Variants in STK33 observed in about 807,000 individuals in gnomAD.
The protein encoded by STK33 is serine/threonine kinase 33, also known as serine/threonine-protein kinase 33.
A neutral mutation model predicts 58.0 loss-of-function variants in STK33; 52 were observed. The observed-to-expected ratio is 0.90, with a 90% CI of 0.72 to 1.13. The LOEUF (loss-of-function observed/expected upper bound fraction) is 1.13, where lower values mean the gene tolerates loss of function less well. Ranked by LOEUF, STK33 falls within the 50% of genes most tolerant of loss-of-function variation. The pLI is 0.00. For missense variants in STK33, 630 were observed against 604.2 expected, an observed-to-expected ratio of 1.04 and a Z score of -0.45; for synonymous variants, 215 against 200.1, an observed-to-expected ratio of 1.07 and a Z score of -0.63.
intron 1 of STK33, among the ~76,000 whole-genome samples, chr11:8,577,668 T>C (rs920698498): frequency 3.9e-5 from 6 of 152,132 alleles, no homozygotes; most frequent in African/African-American, 1.2e-4. Flanking sequence ...TTAACATTTA[T>C]TTTCATATTC....
At chr11:8,584,532 C>T (rs1453612131) in intron 1 of STK33, among the ~76,000 whole-genome samples, 3 of 152,176 alleles carry the variant, frequency 2.0e-5, no homozygotes, top group Non-Finnish European at 4.4e-5. Flanking sequence ...GAGACACAGC[C>T]TTGGAGCAAG....
chr11:8,399,210 G>C lies in STK33; in HGVS notation c.1345-6500C>G, dbSNP rs1010811292. On this transcript the variant is annotated intron_variant, in intron 15 of 15. Transcript: ENST00000687296. The stretch of plus-strand genomic sequence containing the variant: ...CACCTATTCCAAAATTGACCCCGTA[G>C]TTGGAAGTAAAGCACTCCTCAGCAA... 3.9e-5 allele frequency among the ~76,000 whole-genome samples: 6 copies of C among 152,246 alleles called. No homozygotes were observed. The South Asian group carries it at 6.2e-4, about 16-fold the overall frequency.
At chr11:8,353,277 G>A in the STK33 span, among the ~76,000 whole-genome samples, 1 of 152,244 alleles carries the variant, frequency 6.6e-6, no homozygotes, top group African/African-American at 2.4e-5. Context: ...GGCTAAGCCT[G>A]TGGCCACACC....
At chr11:8,575,203 G>A (rs9794916) in intron 1 of STK33, among the ~76,000 whole-genome samples, 151,335 of 152,342 alleles carry the variant, frequency 0.99, 75,170 homozygotes, top group Middle Eastern at 1. Context: ...GCTTCGCAAA[G>A]AGCTAAACAT....
At position 8,413,710 on chromosome 11, in the gene STK33, T is replaced by G; in HGVS notation, c.1147-18A>C. 1 of 1,607,994 alleles carries G rather than the reference T, an allele frequency of 6.2e-7. No individual in the cohort carries two copies. The highest frequency in any genetic ancestry group is 1.7e-4 in the Middle Eastern group (1 of 6,038). On this transcript the variant is annotated intron_variant, in intron 14 of 15. Coordinates refer to ENST00000687296, the MANE Select transcript of STK33 (RefSeq NM_001352389.2). ...TTATTGCCCTAATATTAACAATCAA[T>G]TTTTGGTGTTATAAACAACTTAGAG...
chr11:8,366,678 G>T, the STK33 span, among the ~76,000 whole-genome samples: 2 of 152,224 alleles, frequency 1.3e-5, no homozygotes, highest in Admixed American at 1.3e-4. Flanking sequence ...GGCCACCAAA[G>T]ATCAAGGCTC....
At chr11:8,426,209 G>C (rs762915998) in intron 14 of STK33, among the ~76,000 whole-genome samples, 8 of 152,182 alleles carry the variant, frequency 5.3e-5, no homozygotes, top group African/African-American at 9.7e-5. Flanking sequence ...GGAGTGGGAA[G>C]GTGGTTTTCC....
At chr11:8,476,081 G>A (rs1949242853) in intron 4 of STK33, among the ~76,000 whole-genome samples, 1 of 152,158 alleles carries the variant, frequency 6.6e-6, no homozygotes, top group African/African-American at 2.4e-5. Flanking sequence ...TTTTATAAAA[G>A]ATATTGCTAG....
rs114663797 is a variant in STK33, at chr11:8,584,507, G to T, written c.-466+9576C>A. 4.6e-3 allele frequency among the ~76,000 whole-genome samples: 699 copies of T among 152,312 alleles called. 3 individuals carry two copies. The highest frequency in any genetic ancestry group is 0.016 in the African/African-American group (681 of 41,550). ...TTATTAATAACACAAATAAGGCAGGGCAAGAGAGGCCTGAGAGACACAGCC... is the reference window on the plus strand; with the variant it reads ...TTATTAATAACACAAATAAGGCAGGTCAAGAGAGGCCTGAGAGACACAGCC... On this transcript the variant is annotated intron_variant, in intron 1 of 15. Coordinates refer to ENST00000687296, the MANE Select transcript of STK33 (RefSeq NM_001352389.2).
intron 1 of STK33, among the ~76,000 whole-genome samples, chr11:8,521,024 A>G (rs1452720545): frequency 6.7e-6 from 1 of 149,606 alleles, no homozygotes; most frequent in Non-Finnish European, 1.5e-5. Context: ...ATAATTTATT[A>G]TATTTATTTA....
intron 15 of STK33, among the ~76,000 whole-genome samples, chr11:8,405,049 T>C (rs1938855856): frequency 6.6e-6 from 1 of 152,070 alleles, no homozygotes; most frequent in South Asian, 2.1e-4. Context: ...GAGGCAGGAA[T>C]TGCTTGAACC....
At chr11:8,591,610 T>C (rs1018302358) in intron 1 of STK33, among the ~76,000 whole-genome samples, 4 of 152,120 alleles carry the variant, frequency 2.6e-5, no homozygotes, top group African/African-American at 9.7e-5. Context: ...TCATCCTCCA[T>C]ACAGGAAACC....
At chr11:8,481,959 G>C (rs999836789) in intron 1 of STK33, among the ~76,000 whole-genome samples, 1 of 152,102 alleles carries the variant, frequency 6.6e-6, no homozygotes, top group Non-Finnish European at 1.5e-5. Context: ...TGCAGACAGA[G>C]TAACTAACAA....
intron 1 of STK33, among the ~76,000 whole-genome samples, chr11:8,516,954 G>A (rs930330798): frequency 6.6e-6 from 1 of 152,158 alleles, no homozygotes; most frequent in African/African-American, 2.4e-5. Flanking sequence ...AGACTTAAAC[G>A]TCCCTGTGTG....
chr11:8,346,196 T>A, the STK33 span, among the ~76,000 whole-genome samples: 3 of 151,882 alleles, frequency 2.0e-5, no homozygotes, highest in African/African-American at 7.2e-5. Context: ...CAAAAAGGAG[T>A]TATGTGTGGC....
At chr11:8,351,074 C>G in the STK33 span, among the ~76,000 whole-genome samples, 1 of 152,068 alleles carries the variant, frequency 6.6e-6, no homozygotes, top group African/African-American at 2.4e-5. Flanking sequence ...CTCCTGGGGT[C>G]CCCAGATAGG....
intron 1 of STK33, among the ~76,000 whole-genome samples, chr11:8,523,026 G>C (rs559949246): frequency 6.6e-6 from 1 of 152,332 alleles, no homozygotes; most frequent in East Asian, 1.9e-4. Context: ...GCTCCTGACC[G>C]CGAGTGATCT....
At chr11:8,337,639 G>A in the STK33 span, among the ~76,000 whole-genome samples, 18 of 134,364 alleles carry the variant, frequency 1.3e-4, no homozygotes, top group Non-Finnish European at 2.7e-4. Flanking sequence ...TGACGACGGC[G>A]GGGGGCGGGG....
At chr11:8,520,003 A>T (rs1223278567) in intron 1 of STK33, among the ~76,000 whole-genome samples, 1 of 152,236 alleles carries the variant, frequency 6.6e-6, no homozygotes, top group Non-Finnish European at 1.5e-5. Context: ...TGAGGCCAGC[A>T]TCATCCTGAT....
Sources: gnomAD v4.1 joint callset for allele counts (sites outside exome capture counted in the v4.1 genomes callset) on GRCh38, gnomAD v4.1.1 for gene constraint, MANE v1.5 for transcripts, NCBI Gene and HGNC (gene_info 2026-07-23, HGNC 2026-07-21) for gene names.